The following UCK2 variants were observed in gnomAD, a reference collection of about 807,000 sequenced individuals.
The protein encoded by UCK2 is cytidine monophosphokinase 2.
Under a neutral mutation model 30.8 loss-of-function variants are expected in UCK2, and 6 were observed. The observed-to-expected ratio is 0.19, with a 90% CI of 0.11 to 0.38. The LOEUF (loss-of-function observed/expected upper bound fraction) is 0.38. UCK2 is among the 10% of genes least tolerant of loss of function. UCK2 has a pLI of 1.00. For missense variants in UCK2, 210 were observed against 339.8 expected, an observed-to-expected ratio of 0.62 and a Z score of 3.00; for synonymous variants, 125 against 133.6, an observed-to-expected ratio of 0.94 and a Z score of 0.45.
At chr1:165,837,531 G>A (rs898618574) in intron 1 of UCK2, among the ~76,000 whole-genome samples, 1 of 152,178 alleles carries the variant, frequency 6.6e-6, no homozygotes, top group Non-Finnish European at 1.5e-5. Context: ...GCCTTTGCAG[G>A]TGTTGCTCTT....
intron 1 of UCK2, among the ~76,000 whole-genome samples, chr1:165,846,513 C>CTGG (rs1654453276): frequency 6.6e-6 from 1 of 152,110 alleles, no homozygotes; most frequent in Non-Finnish European, 1.5e-5. Context: ...CTGTTTCTCT[C>CTGG]TGGTGGTAGC....
Position 165,848,938 on chromosome 1 carries a change from G to GGC in UCK2, c.99+21007_99+21008dup, listed in dbSNP as rs569132128. On this transcript the variant is annotated intron_variant, in intron 1 of 6. Coordinates refer to ENST00000367879, the MANE Select transcript of UCK2 (RefSeq NM_012474.5). Reference sequence around the variant, plus strand: ...ACAAAATGAGCCAGATGTGGGAAAAGGCAAATTAATATGATTATGAAAAGT... The same window carrying GGC: ...ACAAAATGAGCCAGATGTGGGAAAAGGCGCAAATTAATATGATTATGAAAAGT... Among the ~76,000 whole-genome samples the GGC allele has an allele frequency of 6.6e-5, 10 of 152,230 alleles. No homozygotes were observed. The South Asian group carries it at 2.1e-3, about 32-fold the overall frequency.
At chr1:165,841,972 C>G (rs1654342181) in intron 1 of UCK2, among the ~76,000 whole-genome samples, 1 of 152,146 alleles carries the variant, frequency 6.6e-6, no homozygotes, top group Non-Finnish European at 1.5e-5. Context: ...AGTGTTGTCG[C>G]AGGTGGAGAG....
chr1:165,891,361 C>T (rs781181166), intron 3 of UCK2, 39 bp downstream of exon 3: 2 of 1,572,980 alleles, frequency 1.3e-6, no homozygotes, highest in Non-Finnish European at 1.8e-6. Context: ...GCACCCACTG[C>T]TCCGCAGAGC....
chr1:165,876,010 C>T lies in UCK2; in HGVS notation c.100-14194C>T, dbSNP rs1655324262. 2.0e-5 allele frequency among the ~76,000 whole-genome samples: 3 copies of T among 152,130 alleles called. No individual in the cohort carries two copies. The South Asian group carries it at 6.2e-4, about 32-fold the overall frequency. The stretch of plus-strand genomic sequence containing the variant: ...AGGAAAGAGATTCTGTTTCCTGACC[C>T]AACATTATCACAAAAGACTGTAACA... On this transcript the variant is annotated intron_variant, in intron 1 of 6. Transcript: ENST00000367879.
At chr1:165,898,329 A>G (rs768450314) in intron 4 of UCK2, among the ~76,000 whole-genome samples, 2 of 152,302 alleles carry the variant, frequency 1.3e-5, no homozygotes, top group Non-Finnish European at 2.9e-5. Flanking sequence ...TATGATTGGT[A>G]CTTCTGGGAT....
At chr1:165,842,882 C>A (rs1000426324) in intron 1 of UCK2, among the ~76,000 whole-genome samples, 1 of 152,174 alleles carries the variant, frequency 6.6e-6, no homozygotes, top group Non-Finnish European at 1.5e-5. Flanking sequence ...CGGTCCTCCC[C>A]AACCCTGAGT....
chr1:165,851,086 C>A (rs997801358), intron 1 of UCK2, among the ~76,000 whole-genome samples: 4 of 152,064 alleles, frequency 2.6e-5, no homozygotes, highest in African/African-American at 9.7e-5. Flanking sequence ...GAAGTCCCCT[C>A]CAGGTCACAC....
At position 165,861,919 on chromosome 1, in the gene UCK2, A is replaced by G. The variant is rs187662962; in HGVS notation, c.100-28285A>G. ...ATACCACTTTTAATTTCAGCAAATTATGTTATCATTTTCAATTAACTGATA... is the reference window on the plus strand; with the variant it reads ...ATACCACTTTTAATTTCAGCAAATTGTGTTATCATTTTCAATTAACTGATA... On this transcript the variant is annotated intron_variant, in intron 1 of 6. Transcript: ENST00000367879. Among the ~76,000 whole-genome samples, 20 of 152,324 alleles carry G rather than the reference A, an allele frequency of 1.3e-4. No individual in the cohort carries two copies. The East Asian group carries it at 2.9e-3, about 22-fold the overall frequency.
intron 1 of UCK2, 105 bp from the exon 2 acceptor site, chr1:165,890,099 A>C: frequency 7.8e-7 from 1 of 1,281,908 alleles, no homozygotes; most frequent in Non-Finnish European, 1.1e-6. Context: ...TTCCTTCCAG[A>C]GCCCCTTCTT....
intron 1 of UCK2, among the ~76,000 whole-genome samples, chr1:165,864,761 C>T (rs1366345629): frequency 1.3e-5 from 2 of 152,150 alleles, no homozygotes; most frequent in African/African-American, 4.8e-5. Flanking sequence ...CTCACTGCAG[C>T]CCCGACCTCC....
chr1:165,875,765 G>A (rs971567020), intron 1 of UCK2, among the ~76,000 whole-genome samples: 1 of 152,174 alleles, frequency 6.6e-6, no homozygotes, highest in South Asian at 2.1e-4. Flanking sequence ...GCAAGGCATG[G>A]GGAAAGAGGT....
At chr1:165,880,562 TGGGGGTGTGTGTGTGTG>T (rs781237902) in intron 1 of UCK2, among the ~76,000 whole-genome samples, 7,802 of 115,802 alleles carry the variant, frequency 0.067, 256 homozygotes, top group African/African-American at 0.094. Flanking sequence ...CAGTTTTTTT[TGGGGGTGTGTGTGTGTG>T]TGTGTGTGTG....
chr1:165,904,348 A>G (rs905732948), intron 5 of UCK2, among the ~76,000 whole-genome samples: 3 of 152,236 alleles, frequency 2.0e-5, no homozygotes, highest in African/African-American at 4.8e-5. Flanking sequence ...ACTGAGTAAC[A>G]TTGATGCCCT....
chr1:165,846,198 A>G (rs2101855097), intron 1 of UCK2, among the ~76,000 whole-genome samples: 1 of 152,286 alleles, frequency 6.6e-6, no homozygotes, highest in Middle Eastern at 3.4e-3. Context: ...GCTACTCTAG[A>G]GACTGAGGTG....
intron 1 of UCK2, among the ~76,000 whole-genome samples, chr1:165,862,407 G>A (rs778764311): frequency 6.6e-6 from 1 of 152,154 alleles, no homozygotes; most frequent in African/African-American, 2.4e-5. Context: ...AGGCAGAGGC[G>A]AATGAAGATC....
At position 165,910,404 on chromosome 1, in the gene UCK2, A is replaced by T. The variant is rs1647814736; in HGVS notation, c.*2581A>T. The stretch of plus-strand genomic sequence containing the variant: ...AGGCACAGATGAGCAGAGTGGGGTG[A>T]TGTTGGTTGTATGTGCATAGAAGTC... On this transcript the variant is annotated 3_prime_UTR_variant, in exon 7 of 7. Transcript: ENST00000367879. 1 of 152,200 alleles carries T rather than the reference A, an allele frequency of 6.6e-6. No homozygotes were observed. Among genetic ancestry groups the T allele is most frequent in the Non-Finnish European group, 1.5e-5 (1 of 68,130 alleles). 9.4% of individuals were successfully genotyped at this position (152,200 alleles called of 1,614,324 possible).
intron 1 of UCK2, among the ~76,000 whole-genome samples, chr1:165,873,989 G>A (rs141595380): frequency 2.0e-5 from 3 of 152,190 alleles, no homozygotes; most frequent in African/African-American, 7.2e-5. Context: ...TGTAAACATA[G>A]GTAATGACTT....
chr1:165,839,867 C>T (rs1194923949), intron 1 of UCK2, among the ~76,000 whole-genome samples: 3 of 152,194 alleles, frequency 2.0e-5, no homozygotes, highest in Non-Finnish European at 4.4e-5. Context: ...CTTGCCGGTA[C>T]CGTGATTCAT....
Sources: allele counts gnomAD v4.1 joint callset (sites outside exome capture counted in the v4.1 genomes callset), GRCh38; gene constraint gnomAD v4.1.1; transcripts MANE v1.5; gene names NCBI Gene and HGNC (gene_info 2026-07-23, HGNC 2026-07-21).